MVB12B: variants seen among roughly 807,000 people sequenced by gnomAD.
MVB12B encodes multivesicular body subunit 12B, also known as ESCRT-I complex subunit MVB12B.
MVB12B carries 16 observed loss-of-function variants against 41.6 expected under a neutral mutation model. The observed-to-expected ratio is 0.38, with a 90% confidence interval of 0.26 to 0.58. MVB12B has a LOEUF of 0.58. Ranked by LOEUF, MVB12B falls within the 20% of genes least tolerant of loss-of-function variation. The pLI, the probability that MVB12B is intolerant of heterozygous loss-of-function variation, is 0.62. For missense variants in MVB12B, 274 were observed against 380.2 expected (o/e 0.72, Z 2.32); for synonymous variants, 133 against 139.7 (o/e 0.95, Z 0.34).
Position 126,486,478 on chromosome 9 carries a change from G to A in MVB12B, c.873+2446G>A, listed in dbSNP as rs1270899000. ...GTGGACAGGGGCAAGTCACATACCT[G>A]CTGTTTACCATGGGGTCACGGCAGA... On this transcript the variant is annotated intron_variant, in intron 9 of 9. Coordinates refer to ENST00000361171, the MANE Select transcript of MVB12B (RefSeq NM_033446.3). The surrounding 1 kb of genome is among the most constrained non-coding windows in gnomAD (Gnocchi z 4.7). Among the ~76,000 whole-genome samples the A allele has an allele frequency of 1.3e-5, 2 of 152,226 alleles. No homozygotes were observed. The highest frequency in any genetic ancestry group is 2.9e-5 in the Non-Finnish European group (2 of 68,042).
chr9:126,404,049 G>A (rs957392898), intron 6 of MVB12B, among the ~76,000 whole-genome samples: 2 of 149,298 alleles, frequency 1.3e-5, no homozygotes, highest in Admixed American at 6.9e-5. Context: ...TGCCTCCTGG[G>A]TTCAAGCAGT....
At chr9:126,493,021 TTTCTC>T (rs1165282733) in intron 9 of MVB12B, among the ~76,000 whole-genome samples, 4 of 152,190 alleles carry the variant, frequency 2.6e-5, no homozygotes, top group African/African-American at 7.2e-5. Flanking sequence ...AGAGCAAACT[TTTCTC>T]TATGAGTTCA....
chr9:126,414,863 G>C (rs911150870), intron 6 of MVB12B, among the ~76,000 whole-genome samples: 1 of 151,668 alleles, frequency 6.6e-6, no homozygotes, highest in Non-Finnish European at 1.5e-5. Flanking sequence ...TTTTGAGACT[G>C]GATTATAAAA....
intron 7 of MVB12B, among the ~76,000 whole-genome samples, chr9:126,448,578 T>C (rs10987283): frequency 0.22 from 32,961 of 152,204 alleles, 4,192 homozygotes; most frequent in Non-Finnish European, 0.29. Flanking sequence ...GCAGACTATA[T>C]AGGAAGCTCC....
chr9:126,425,424 C>T (rs1471388919), intron 7 of MVB12B, among the ~76,000 whole-genome samples: 1 of 152,142 alleles, frequency 6.6e-6, no homozygotes, highest in Non-Finnish European at 1.5e-5. Flanking sequence ...CATAATAGCA[C>T]GTGTTGCTTT....
At position 126,453,544 on chromosome 9, in the gene MVB12B, A is replaced by G. The variant is rs554341605; in HGVS notation, c.758-27825A>G. On this transcript the variant is annotated intron_variant, in intron 7 of 9. Coordinates refer to ENST00000361171, the MANE Select transcript of MVB12B (RefSeq NM_033446.3). Reference sequence around the variant, plus strand: ...CGTTGCCAACAGCAGTGGCCTGTGTATCACCGGCTGCTTCCTGGAAGAGGT... The same window carrying G: ...CGTTGCCAACAGCAGTGGCCTGTGTGTCACCGGCTGCTTCCTGGAAGAGGT... Among the ~76,000 whole-genome samples, 48 of 152,296 alleles carry G rather than the reference A, an allele frequency of 3.2e-4. No homozygotes were observed. In the South Asian group the frequency reaches 1.0e-2, roughly 32 times the overall value.
intron 2 of MVB12B, among the ~76,000 whole-genome samples, chr9:126,346,302 G>A (rs1209685533): frequency 6.6e-6 from 1 of 152,146 alleles, no homozygotes; most frequent in Non-Finnish European, 1.5e-5. Flanking sequence ...TGGATCCTGG[G>A]GCTGTGGGAG....
At position 126,376,373 on chromosome 9, in the gene MVB12B, T is replaced by G; in HGVS notation, c.205-4691T>G. ...CTACCTTCAAGCTCCCTTTTTTCTATTTTGGGCCCTTCTGTCATGTCTGAG... is the reference window on the plus strand; with the variant it reads ...CTACCTTCAAGCTCCCTTTTTTCTAGTTTGGGCCCTTCTGTCATGTCTGAG... On this transcript the variant is annotated intron_variant, in intron 2 of 9. Transcript: ENST00000361171. This position sits in a 1 kb window ranked among gnomAD's most constrained non-coding sequence, Gnocchi z 4.1. 1 of 540,104 alleles carries G rather than the reference T, an allele frequency of 1.9e-6. No individual in the cohort carries two copies. The highest frequency in any genetic ancestry group is 3.2e-6 in the Non-Finnish European group (1 of 313,526). 33.5% of individuals were successfully genotyped at this position (540,104 alleles called of 1,614,324 possible).
intron 3 of MVB12B, among the ~76,000 whole-genome samples, chr9:126,383,653 C>T (rs916886229): frequency 2.6e-5 from 4 of 152,002 alleles, no homozygotes; most frequent in South Asian, 2.1e-4. Context: ...ATTGGGAATA[C>T]GTTCTTCATA....
chr9:126,395,659 G>A lies in MVB12B; in HGVS notation c.624G>A (p.Gln208=). Residue 208 remains glutamine, a synonymous_variant, in exon 6 of 10, where the codon CAG becomes CAA. Coordinates refer to ENST00000361171, the MANE Select transcript of MVB12B (RefSeq NM_033446.3). This position sits in a 1 kb window ranked among gnomAD's most constrained non-coding sequence, Gnocchi z 4.9. Reference sequence around the variant, plus strand: ...CATCTCAACCCACAACGCCTTCCCAGTCATCAGCTGCCTCCACCCCAGCCC... The same window carrying A: ...CATCTCAACCCACAACGCCTTCCCAATCATCAGCTGCCTCCACCCCAGCCC... The part of the protein sequence containing the change: ...HDSSQPTTPS[Q]SSAASTPAPN... 1 of 1,614,152 alleles carries A rather than the reference G, an allele frequency of 6.2e-7. No individual in the cohort carries two copies. The highest frequency in any genetic ancestry group is 1.3e-5 in the African/African-American group (1 of 75,034).
At chr9:126,470,125 C>T (rs938717348) in intron 7 of MVB12B, among the ~76,000 whole-genome samples, 5 of 152,190 alleles carry the variant, frequency 3.3e-5, no homozygotes, top group East Asian at 1.9e-4. Flanking sequence ...TACCCTTTCG[C>T]GGTAGACCCC....
At chr9:126,442,730 G>A (rs1033605257) in intron 7 of MVB12B, among the ~76,000 whole-genome samples, 2 of 152,170 alleles carry the variant, frequency 1.3e-5, no homozygotes, top group Non-Finnish European at 2.9e-5. Context: ...AGTGAGACCT[G>A]GAAGAAACAA....
At chr9:126,387,902 A>T (rs1226015842) in intron 4 of MVB12B, among the ~76,000 whole-genome samples, 1 of 152,228 alleles carries the variant, frequency 6.6e-6, no homozygotes, top group Non-Finnish European at 1.5e-5. Context: ...AATAACTAGA[A>T]TGCTCACATA....
chr9:126,342,536 G>A (rs1588087525), intron 2 of MVB12B, among the ~76,000 whole-genome samples: 1 of 152,208 alleles, frequency 6.6e-6, no homozygotes, highest in African/African-American at 2.4e-5. Context: ...ATTGTGCTGT[G>A]CCATGCATTT....
At chr9:126,352,443 C>G (rs1396935458) in intron 2 of MVB12B, among the ~76,000 whole-genome samples, 1 of 152,204 alleles carries the variant, frequency 6.6e-6, no homozygotes, top group East Asian at 1.9e-4. Context: ...CATCTTCCCT[C>G]TTGCTAGGCT....
chr9:126,450,191 T>G (rs1054149246), intron 7 of MVB12B, among the ~76,000 whole-genome samples: 1 of 152,226 alleles, frequency 6.6e-6, no homozygotes, highest in Non-Finnish European at 1.5e-5. Context: ...CCCTGCACTG[T>G]GCAGAGCAGA....
At chr9:126,371,270 G>A (rs1001333494) in intron 2 of MVB12B, among the ~76,000 whole-genome samples, 2 of 152,232 alleles carry the variant, frequency 1.3e-5, no homozygotes, top group East Asian at 3.8e-4. Flanking sequence ...GTCTGGGTGC[G>A]ACAGAAACGG....
chr9:126,371,220 G>A (rs1332743799), intron 2 of MVB12B, among the ~76,000 whole-genome samples: 1 of 152,226 alleles, frequency 6.6e-6, no homozygotes, highest in Non-Finnish European at 1.5e-5. Context: ...GCTGCTCTCT[G>A]CAGGCTTGTG....
chr9:126,455,475 C>T lies in MVB12B; in HGVS notation c.758-25894C>T, dbSNP rs370742809. 7.8e-4 allele frequency among the ~76,000 whole-genome samples: 119 copies of T among 151,678 alleles called. 3 individuals are homozygous for T. In the South Asian group the frequency reaches 0.024, roughly 30 times the overall value. ...TGCTGGGATTACAGGTGTGAGCCAC[C>T]GTGCCTGGCCCTTATTTTATTTATT... On this transcript the variant is annotated intron_variant, in intron 7 of 9. Coordinates refer to ENST00000361171, the MANE Select transcript of MVB12B (RefSeq NM_033446.3).
Sources: gnomAD v4.1 joint callset for allele counts (sites outside exome capture counted in the v4.1 genomes callset) on GRCh38, gnomAD v4.1.1 for gene constraint, Gnocchi (gnomAD v3.1) non-coding constraint, MANE v1.5 for transcripts, NCBI Gene and HGNC (gene_info 2026-07-23, HGNC 2026-07-21) for gene names.